The following RFT1 variants were observed in gnomAD, a reference collection of about 807,000 sequenced individuals.
RFT1 encodes man(5)GlcNAc(2)-PP-dolichol translocation protein RFT1.
Under a neutral mutation model 62.2 loss-of-function variants are expected in RFT1, and 43 were observed. That is an observed-to-expected ratio of 0.69 (90% CI 0.54 to 0.89). The LOEUF (loss-of-function observed/expected upper bound fraction) is 0.89, where lower values mean the gene tolerates loss of function less well. Among genes scored for constraint, RFT1 ranks in the 40% least tolerant of loss-of-function variants. RFT1 has a pLI of 0.00. For missense variants in RFT1, 605 were observed against 649.9 expected (o/e 0.93, Z 0.75); for synonymous variants, 262 against 264.6 (o/e 0.99, Z 0.10).
intron 11 of RFT1, among the ~76,000 whole-genome samples, chr3:53,096,750 C>G (rs1388005702): frequency 6.6e-6 from 1 of 152,126 alleles, no homozygotes; most frequent in South Asian, 2.1e-4. Context: ...GCTCTCTTCT[C>G]TCTATATATT....
At chr3:53,120,628 T>G (rs1171165261) in intron 5 of RFT1, among the ~76,000 whole-genome samples, 3 of 152,202 alleles carry the variant, frequency 2.0e-5, no homozygotes, top group Non-Finnish European at 4.4e-5. Flanking sequence ...AGCAGCCAGA[T>G]GGGTTTTGTC....
intron 6 of RFT1, 69 bp downstream of exon 6, chr3:53,119,815 A>G: frequency 1.5e-6 from 2 of 1,345,310 alleles, no homozygotes; most frequent in Admixed American, 4.1e-5. Flanking sequence ...AACCAGTTGC[A>G]GTTTCTTTCT....
downstream of RFT1, among the ~76,000 whole-genome samples, chr3:53,086,052 T>C (rs1379723631): frequency 6.6e-6 from 1 of 152,228 alleles, no homozygotes; most frequent in Non-Finnish European, 1.5e-5. Flanking sequence ...CAGTAAGTCT[T>C]CCCTCTCCTC....
At chr3:53,097,597 C>T (rs1701180352) in intron 11 of RFT1, among the ~76,000 whole-genome samples, 1 of 152,298 alleles carries the variant, frequency 6.6e-6, no homozygotes. Context: ...ATCCATATTC[C>T]CTCACAATTT....
chr3:53,106,175 G>A (rs1258150889), intron 8 of RFT1, among the ~76,000 whole-genome samples: 1 of 152,174 alleles, frequency 6.6e-6, no homozygotes, highest in Non-Finnish European at 1.5e-5. Flanking sequence ...TGAGGCTGCA[G>A]TGAGCTGTGA....
intron 6 of RFT1, 141 bp downstream of exon 6, chr3:53,119,743 T>C: frequency 1.2e-6 from 1 of 816,288 alleles, no homozygotes; most frequent in Non-Finnish European, 1.9e-6. Flanking sequence ...AACCCTGGCC[T>C]GGCATAGAGC....
the RFT1 span, among the ~76,000 whole-genome samples, chr3:53,081,166 C>T: frequency 3.3e-5 from 5 of 152,306 alleles, no homozygotes; most frequent in African/African-American, 9.6e-5. Flanking sequence ...CCAAATGAAG[C>T]CAAGGGAAAG....
In RFT1 at chr3:53,105,782, T is replaced by C. The variant is rs200590836; in HGVS notation, c.848A>G (p.Asn283Ser). The C allele has an allele frequency of 6.2e-7, 1 of 1,613,896 alleles. No individual in the cohort carries two copies. The highest frequency in any genetic ancestry group is 1.3e-5 in the African/African-American group (1 of 75,034). Reference protein sequence around the residue: ...GDQGVYDIVNNLGSLVARLIF... With the variant: ...GDQGVYDIVNSLGSLVARLIF... ...TAATCTGGCCACAAGGGAGCCAAGA[T>C]TATTCACTATATCATACACACCTAC... Residue 283 changes from asparagine to serine, a missense_variant, in exon 9 of 13, where the codon AAT becomes AGT. Physicochemically the swap from Asn to Ser is conservative, Grantham distance 46 (BLOSUM62 1). Coordinates refer to ENST00000296292, the MANE Select transcript of RFT1 (RefSeq NM_052859.4).
chr3:53,122,370 T>C lies in RFT1; in HGVS notation c.456+4A>G. 1 of 1,613,510 alleles carries C rather than the reference T, an allele frequency of 6.2e-7. No individual in the cohort carries two copies. Among genetic ancestry groups the C allele is most frequent in the Non-Finnish European group, 8.5e-7 (1 of 1,179,518 alleles). On this transcript the variant is annotated splice_donor_region_variant and intron_variant, in intron 4 of 12. Coordinates refer to ENST00000296292, the MANE Select transcript of RFT1 (RefSeq NM_052859.4). ...TTCCCATTCACAGCAGAAGGTGCAC[T>C]GACCTTGAGCTTCACAAACATATGT...
intron 10 of RFT1, chr3:53,103,188 T>C (rs762903156): frequency 1.2e-5 from 12 of 985,410 alleles, no homozygotes; most frequent in Non-Finnish European, 1.4e-5. Flanking sequence ...CTAGTGAACT[T>C]GTAAAATGGC....
chr3:53,128,443 C>T lies in RFT1; in HGVS notation c.63+1895G>A, dbSNP rs117116912. Among the ~76,000 whole-genome samples, 1,637 of 152,342 alleles carry T rather than the reference C, an allele frequency of 0.011. 66 individuals carry two copies. In the South Asian group the frequency reaches 0.11, roughly 10 times the overall value. On this transcript the variant is annotated intron_variant, in intron 1 of 12. Transcript: ENST00000296292. Reference sequence around the variant, plus strand: ...CAGCTAATGAAACTGAGGTTGCTTACGCCACCCAGTATTTGCCACACACTG... The same window carrying T: ...CAGCTAATGAAACTGAGGTTGCTTATGCCACCCAGTATTTGCCACACACTG...
chr3:53,116,910 T>G (rs1432749436), intron 6 of RFT1, among the ~76,000 whole-genome samples: 2 of 152,198 alleles, frequency 1.3e-5, no homozygotes, highest in Admixed American at 1.3e-4. Context: ...GGCTTCTTTT[T>G]AAAATAATAA....
intron 1 of RFT1, among the ~76,000 whole-genome samples, chr3:53,128,040 GTA>G (rs1702160035): frequency 6.6e-6 from 1 of 151,962 alleles, no homozygotes; most frequent in African/African-American, 2.4e-5. Flanking sequence ...GCTCACACCT[GTA>G]ATGCCAGCAC....
chr3:53,110,024 G>A (rs1268121197), intron 7 of RFT1, among the ~76,000 whole-genome samples: 9 of 152,106 alleles, frequency 5.9e-5, no homozygotes, highest in Admixed American at 5.9e-4. Context: ...GCAGGCTCCT[G>A]GCACCACATT....
downstream of RFT1, among the ~76,000 whole-genome samples, chr3:53,084,902 C>T (rs1700826260): frequency 1.3e-5 from 2 of 152,168 alleles, no homozygotes; most frequent in South Asian, 4.1e-4. Flanking sequence ...GGGGAAGGGG[C>T]GATGAGGGAT....
At chr3:53,121,456 T>C (rs1040515591) in intron 5 of RFT1, among the ~76,000 whole-genome samples, 2 of 152,170 alleles carry the variant, frequency 1.3e-5, no homozygotes, top group Non-Finnish European at 2.9e-5. Context: ...GGGTTTTTGA[T>C]GTTTGACAAT....
the RFT1 span, among the ~76,000 whole-genome samples, chr3:53,080,115 C>T: frequency 1.3e-4 from 20 of 152,326 alleles, no homozygotes; most frequent in East Asian, 9.6e-4. Context: ...TCTTTCCTGA[C>T]GCCAGGGCCC....
the RFT1 span, among the ~76,000 whole-genome samples, chr3:53,081,820 A>AATAGAGGGAGGAACTTGG: frequency 6.6e-6 from 1 of 152,054 alleles, no homozygotes; most frequent in South Asian, 2.1e-4. Context: ...CGAAACAATT[A>AATAGAGGGAGGAACTTGG]CCCTAAATTC....
chr3:53,085,721 CA>C (rs1221741702), downstream of RFT1: 1 of 152,198 alleles, frequency 6.6e-6, no homozygotes, highest in African/African-American at 2.4e-5. Context: ...CTATGACTTG[CA>C]AGGAAAGACC....
Sources: gnomAD v4.1 joint callset for allele counts (sites outside exome capture counted in the v4.1 genomes callset) on GRCh38, gnomAD v4.1.1 for gene constraint, MANE v1.5 for transcripts, NCBI Gene and HGNC (gene_info 2026-07-23, HGNC 2026-07-21) for gene names.